Variants in SPEF2 observed in about 807,000 individuals in gnomAD.
SPEF2 encodes the protein sperm flagella and cilia-associated protein 2.
Under a neutral mutation model 224.6 loss-of-function variants are expected in SPEF2, and 187 were observed. That is an observed-to-expected ratio of 0.83 (90% CI 0.74 to 0.94). The LOEUF is 0.94. Ranked by LOEUF, SPEF2 falls within the 40% of genes least tolerant of loss-of-function variation. The pLI, the probability that SPEF2 is intolerant of heterozygous loss-of-function variation, is 0.00. For synonymous variants in SPEF2, 715 were observed against 707.3 expected (o/e 1.01, Z -0.17); for missense variants, 2,170 against 2,135.6 (o/e 1.02, Z -0.32).
rs112807098 is a variant in SPEF2, at chr5:35,626,453, T to C, written c.59-2007T>C. Reference sequence around the variant, plus strand: ...AATGTGTCTGTTCTCACATGAACTATAGCTGAACACAAGGTTATGTGATTG... The same window carrying C: ...AATGTGTCTGTTCTCACATGAACTACAGCTGAACACAAGGTTATGTGATTG... On this transcript the variant is annotated intron_variant, in intron 1 of 36. Coordinates refer to ENST00000356031, the MANE Select transcript of SPEF2 (RefSeq NM_024867.4). 6.0e-3 allele frequency among the ~76,000 whole-genome samples: 908 copies of C among 152,336 alleles called. 8 individuals are homozygous for C. Among genetic ancestry groups the C allele is most frequent in the African/African-American group, 0.02 (835 of 41,574 alleles).
At chr5:35,618,117 C>T (rs1412316446) in intron 1 of SPEF2, 62 bp downstream of exon 1, 4 of 1,521,496 alleles carry the variant, frequency 2.6e-6, no homozygotes, top group Non-Finnish European at 2.7e-6. Flanking sequence ...GCCTGCAGCG[C>T]AGCGCAGCGC....
chr5:35,707,588 G>A (rs1042743878), intron 18 of SPEF2, among the ~76,000 whole-genome samples: 1 of 152,168 alleles, frequency 6.6e-6, no homozygotes, highest in African/African-American at 2.4e-5. Context: ...GGTACATTGA[G>A]TAGAGCTGTG....
intron 10 of SPEF2, chr5:35,671,346 A>G (rs1369349140): frequency 2.1e-6 from 2 of 946,632 alleles, no homozygotes; most frequent in African/African-American, 3.5e-5. Context: ...AATGTATACT[A>G]TATTTTAATT....
In SPEF2 at chr5:35,667,181, A is replaced by G. The variant is rs761183277; in HGVS notation, c.1277A>G (p.Tyr426Cys). ...GCTCAAGCTCGTTATGAAAAGCATT[A>G]TTCAGTATGTGCAGAAATTTTGGAT... ...ERAQARYEKH[Y>C]SVCAEILDQI... The change falls in exon 9 of 37, where the codon TAT (tyrosine) becomes TGT (cysteine). Residue 426 changes from tyrosine to cysteine, a missense_variant. Physicochemically the swap from Tyr to Cys is radical, Grantham distance 194 (BLOSUM62 -2). Coordinates refer to ENST00000356031, the MANE Select transcript of SPEF2 (RefSeq NM_024867.4). The G allele has an allele frequency of 2.5e-6, 4 of 1,612,012 alleles. No homozygotes were observed. The highest frequency in any genetic ancestry group is 3.4e-6 in the Non-Finnish European group (4 of 1,178,964).
At chr5:35,711,582 T>C (rs1032623144) in intron 19 of SPEF2, among the ~76,000 whole-genome samples, 96 of 134,112 alleles carry the variant, frequency 7.2e-4, no homozygotes, top group Non-Finnish European at 8.4e-4. Flanking sequence ...TTTCCCTCCC[T>C]CTCTCCCTTC....
chr5:35,699,627 G>A (rs1368304557), intron 15 of SPEF2: 3 of 152,196 alleles, frequency 2.0e-5, no homozygotes, highest in Non-Finnish European at 1.5e-5. Context: ...GGCAGTACAA[G>A]TATCCAGTAC....
At chr5:35,685,205 A>T (rs554742737) in intron 10 of SPEF2, among the ~76,000 whole-genome samples, 1 of 152,268 alleles carries the variant, frequency 6.6e-6, no homozygotes, top group East Asian at 1.9e-4. Flanking sequence ...TTTATATACT[A>T]AATACACTAA....
At chr5:35,792,256 A>G in intron 30 of SPEF2, 84 bp from the exon 31 acceptor site, 2 of 975,710 alleles carry the variant, frequency 2.0e-6, no homozygotes, top group Non-Finnish European at 3.0e-6. Context: ...AGAGTTTTAA[A>G]ATACTCATTG....
intron 15 of SPEF2, chr5:35,698,816 C>G (rs1309269214): frequency 6.6e-6 from 1 of 152,304 alleles, no homozygotes; most frequent in Non-Finnish European, 1.5e-5. Flanking sequence ...GACTCCCCAT[C>G]ATCTCATGTC....
At chr5:35,764,525 A>G (rs146540964) in intron 26 of SPEF2, 3 of 455,112 alleles carry the variant, frequency 6.6e-6, no homozygotes, top group East Asian at 1.4e-4. Context: ...ATCAATTGCT[A>G]TTCCCTCATC....
At chr5:35,768,380 C>T (rs1208401496) in intron 26 of SPEF2, among the ~76,000 whole-genome samples, 4 of 151,954 alleles carry the variant, frequency 2.6e-5, no homozygotes, top group Non-Finnish European at 5.9e-5. Flanking sequence ...CTTATGAATC[C>T]CATTAAAATT....
At chr5:35,759,856 G>GTTTT in intron 25 of SPEF2, 137 bp downstream of exon 25, 2 of 590,020 alleles carry the variant, frequency 3.4e-6, no homozygotes, top group Non-Finnish European at 2.6e-6. Context: ...AACCAAACAT[G>GTTTT]TTTTTTTTTT....
intron 21 of SPEF2, among the ~76,000 whole-genome samples, chr5:35,734,377 T>TC (rs1413118374): frequency 7.6e-6 from 1 of 131,710 alleles, no homozygotes; most frequent in Non-Finnish European, 1.7e-5. Context: ...TCTTTTGGCT[T>TC]CCCCGGGCCA....
At chr5:35,703,102 AT>A (rs77487179) in intron 16 of SPEF2, among the ~76,000 whole-genome samples, 185 of 101,974 alleles carry the variant, frequency 1.8e-3, no homozygotes, top group Middle Eastern at 0.011. Flanking sequence ...TTACTTTTTT[AT>A]TTTTTTTTTT....
intron 23 of SPEF2, among the ~76,000 whole-genome samples, chr5:35,740,850 G>C (rs994296676): frequency 6.6e-6 from 1 of 152,080 alleles, no homozygotes; most frequent in African/African-American, 2.4e-5. Context: ...CAAAAAGCCT[G>C]ATTTCATTCT....
At chr5:35,769,989 ATGTGTGTGTGTGTGTG>A (rs10627412) in intron 26 of SPEF2, among the ~76,000 whole-genome samples, 2 of 142,258 alleles carry the variant, frequency 1.4e-5, no homozygotes, top group Admixed American at 6.9e-5. Flanking sequence ...TGCCTCCATA[ATGTGTGTGTGTGTGTG>A]TGTGTGTGTG....
chr5:35,790,546 A>T (rs1755804884), intron 30 of SPEF2: 2 of 402,378 alleles, frequency 5.0e-6, no homozygotes, highest in Non-Finnish European at 8.7e-6. Flanking sequence ...TAAAAAGCCC[A>T]AGATTGTTTC....
chr5:35,763,830 A>T (rs1751696274), intron 26 of SPEF2, 128 bp downstream of exon 26: 3 of 796,178 alleles, frequency 3.8e-6, no homozygotes, highest in Non-Finnish European at 5.4e-6. Context: ...CCTTCGAAAC[A>T]TTTTTTTTCT....
intron 25 of SPEF2, among the ~76,000 whole-genome samples, chr5:35,762,701 A>G (rs1274547073): frequency 2.0e-5 from 3 of 152,050 alleles, no homozygotes; most frequent in African/African-American, 7.2e-5. Context: ...AGCCCTTTGC[A>G]CTTTCTATTA....
Sources: gnomAD v4.1 joint callset for allele counts (sites outside exome capture counted in the v4.1 genomes callset) on GRCh38, gnomAD v4.1.1 for gene constraint, MANE v1.5 for transcripts, NCBI Gene and HGNC (gene_info 2026-07-23, HGNC 2026-07-21) for gene names.